The following NCAM1 variants were observed in gnomAD, a reference collection of about 807,000 sequenced individuals.
The protein encoded by NCAM1 is antigen recognized by monoclonal antibody 5.1H11.
Under a neutral mutation model 109.8 loss-of-function variants are expected in NCAM1, and 14 were observed. The observed-to-expected ratio is 0.13, with a 90% confidence interval of 0.08 to 0.20. NCAM1 has a LOEUF of 0.20. NCAM1 is among the 10% of genes least tolerant of loss of function. NCAM1 has a pLI of 1.00. For synonymous variants in NCAM1, 418 were observed against 442.9 expected (o/e 0.94, Z 0.70); for missense variants, 774 against 1,109.9 (o/e 0.70, Z 4.30).
chr11:113,231,874 G>T, intron 10 of NCAM1, 79 bp downstream of exon 10: 1 of 1,550,200 alleles, frequency 6.5e-7, no homozygotes, highest in Non-Finnish European at 8.8e-7. Context: ...CATCAGCAAG[G>T]ACCTATGTGC....
At chr11:113,207,519 A>G (rs941385226) in intron 6 of NCAM1, 141 bp downstream of exon 6, 9 of 723,404 alleles carry the variant, frequency 1.2e-5, no homozygotes, top group Middle Eastern at 3.3e-4. Context: ...ACTCTTTTCT[A>G]TAAGATTCTC....
chr11:113,233,422 C>T lies in NCAM1; in HGVS notation c.1693+105C>T, dbSNP rs1945068559. On this transcript the variant is annotated intron_variant, in intron 13 of 19. Coordinates refer to ENST00000316851, the MANE Select transcript of NCAM1 (RefSeq NM_181351.5). The surrounding 1 kb of genome is among the most constrained non-coding windows in gnomAD (Gnocchi z 4.5). Reference sequence around the variant, plus strand: ...TGTTCCTACAGAATCAGGAACTGCACCTCCAGAATTAGGTCAAAGTCATAT... The same window carrying T: ...TGTTCCTACAGAATCAGGAACTGCATCTCCAGAATTAGGTCAAAGTCATAT... 1.6e-6 allele frequency: 2 copies of T among 1,244,106 alleles called. No homozygotes were observed. Among genetic ancestry groups the T allele is most frequent in the Non-Finnish European group, 2.2e-6 (2 of 894,646 alleles). 77.1% of individuals were successfully genotyped at this position (1,244,106 alleles called of 1,614,324 possible).
chr11:113,115,698 T>C (rs1388222190), intron 1 of NCAM1, among the ~76,000 whole-genome samples: 5 of 152,228 alleles, frequency 3.3e-5, no homozygotes, highest in African/African-American at 1.2e-4. Context: ...TGGATCTCCT[T>C]CTTCCACTCT....
At chr11:113,141,864 A>G (rs782648299) in intron 1 of NCAM1, among the ~76,000 whole-genome samples, 15 of 152,146 alleles carry the variant, frequency 9.9e-5, no homozygotes, top group Admixed American at 2.0e-4. Context: ...TTAGGTGTTC[A>G]TTCCAGTCGT....
chr11:112,996,097 G>C (rs1951589781), intron 1 of NCAM1, among the ~76,000 whole-genome samples: 1 of 152,038 alleles, frequency 6.6e-6, no homozygotes, highest in South Asian at 2.1e-4. Context: ...CAGAGAAAAG[G>C]GAATATAATT....
At chr11:112,987,014 C>A (rs1236747639) in intron 1 of NCAM1, among the ~76,000 whole-genome samples, 1 of 151,944 alleles carries the variant, frequency 6.6e-6, no homozygotes, top group Non-Finnish European at 1.5e-5. Context: ...TTATTCTTTT[C>A]CAATGTAGGC....
At chr11:113,074,318 G>A (rs782223519) in intron 1 of NCAM1, among the ~76,000 whole-genome samples, 2 of 152,144 alleles carry the variant, frequency 1.3e-5, no homozygotes, top group Non-Finnish European at 2.9e-5. Flanking sequence ...TGGTACCCCT[G>A]GATTTGTATA....
intron 16 of NCAM1, among the ~76,000 whole-genome samples, chr11:113,257,022 A>G (rs1294238401): frequency 6.6e-6 from 1 of 152,234 alleles, no homozygotes; most frequent in Non-Finnish European, 1.5e-5. Context: ...AGTTCAGCAC[A>G]GAGCCCCGCA....
intron 1 of NCAM1, among the ~76,000 whole-genome samples, chr11:113,061,419 A>G (rs1047382980): frequency 2.0e-5 from 3 of 152,212 alleles, no homozygotes; most frequent in Non-Finnish European, 2.9e-5. Context: ...CCTGTGTTTT[A>G]TAAGTAATCT....
At position 113,233,172 on chromosome 11, in the gene NCAM1, C is replaced by T; in HGVS notation, c.1548C>T (p.Asp516=). ...ACACCCCCTCTTCACCATCCATCGACCAGGTGGAGCCATACTCCAGCACAG... is the reference window on the plus strand; with the variant it reads ...ACACCCCCTCTTCACCATCCATCGATCAGGTGGAGCCATACTCCAGCACAG... ...QADTPSSPSI[D]QVEPYSSTAQ... is the part of the protein sequence containing the mutation. Residue 516 remains aspartate (D), a synonymous_variant, in exon 13 of 20, where the codon GAC becomes GAT. Coordinates refer to ENST00000316851, the MANE Select transcript of NCAM1 (RefSeq NM_181351.5). The surrounding 1 kb of genome is among the most constrained non-coding windows in gnomAD (Gnocchi z 4.5). 1 of 1,613,548 alleles carries T rather than the reference C, an allele frequency of 6.2e-7. No individual in the cohort carries two copies. The highest frequency in any genetic ancestry group is 1.1e-5 in the South Asian group (1 of 90,978).
chr11:113,235,272 C>G, intron 14 of NCAM1, 108 bp downstream of exon 14: 1 of 1,602,572 alleles, frequency 6.2e-7, no homozygotes, highest in South Asian at 1.1e-5. Flanking sequence ...AGCTTTTTGT[C>G]TTTCAGATCC....
chr11:113,245,747 T>C (rs782550139), intron 14 of NCAM1, among the ~76,000 whole-genome samples: 18 of 152,180 alleles, frequency 1.2e-4, no homozygotes, highest in South Asian at 2.1e-4. Context: ...CCCTCCTCCT[T>C]ATGCCATAGG....
chr11:113,235,645 G>GAGC (rs1945143540), intron 14 of NCAM1, among the ~76,000 whole-genome samples: 1 of 152,300 alleles, frequency 6.6e-6, no homozygotes, highest in East Asian at 1.9e-4. Context: ...TAGAATATGT[G>GAGC]AGCAGCAGCA....
Position 113,201,899 on chromosome 11 carries a change from T to C in NCAM1, c.53-480T>C, listed in dbSNP as rs377214044. ...ATTGTGTCCGGACAGCCTGGGGAAC[T>C]GGCAGGAGACCCCTGAGCTTGATTC... On this transcript the variant is annotated intron_variant, in intron 1 of 19. Coordinates refer to ENST00000316851, the MANE Select transcript of NCAM1 (RefSeq NM_181351.5). Among the ~76,000 whole-genome samples, 12 of 152,324 alleles carry C rather than the reference T, an allele frequency of 7.9e-5. No individual in the cohort carries two copies. In the South Asian group the frequency reaches 1.0e-3, roughly 13 times the overall value.
chr11:112,964,545 A>C (rs1303364026), intron 1 of NCAM1, among the ~76,000 whole-genome samples: 1 of 152,222 alleles, frequency 6.6e-6, no homozygotes, highest in Non-Finnish European at 1.5e-5. Flanking sequence ...GAGCTACTTT[A>C]CAAAAGCTAA....
intron 1 of NCAM1, among the ~76,000 whole-genome samples, chr11:113,138,390 T>A (rs1238893861): frequency 6.6e-6 from 1 of 152,232 alleles, no homozygotes; most frequent in Admixed American, 6.5e-5. Flanking sequence ...CATGGGCTTC[T>A]GTCATCTCAG....
At chr11:113,000,705 G>T (rs1951723872) in intron 1 of NCAM1, among the ~76,000 whole-genome samples, 1 of 151,576 alleles carries the variant, frequency 6.6e-6, no homozygotes, top group Non-Finnish European at 1.5e-5. Context: ...CCCTGTTCCT[G>T]GAAGGCTGAT....
At chr11:113,129,648 T>C (rs1041920454) in intron 1 of NCAM1, among the ~76,000 whole-genome samples, 1 of 152,182 alleles carries the variant, frequency 6.6e-6, no homozygotes, top group Admixed American at 6.5e-5. Flanking sequence ...CTGATCTTTC[T>C]CTACTCATGC....
intron 1 of NCAM1, among the ~76,000 whole-genome samples, chr11:113,147,130 C>A (rs1942047355): frequency 6.6e-6 from 1 of 152,166 alleles, no homozygotes; most frequent in South Asian, 2.1e-4. Flanking sequence ...AAAAGGCCTA[C>A]AAAACTTGTA....
Sources: gnomAD v4.1 joint callset for allele counts (sites outside exome capture counted in the v4.1 genomes callset) on GRCh38, gnomAD v4.1.1 for gene constraint, Gnocchi (gnomAD v3.1) non-coding constraint, MANE v1.5 for transcripts, NCBI Gene and HGNC (gene_info 2026-07-23, HGNC 2026-07-21) for gene names.